Variants in SPAG16 observed in about 807,000 individuals in gnomAD.
SPAG16 encodes sperm associated antigen 16.
In SPAG16, 86 loss-of-function variants were observed where a neutral mutation model predicts 80.4. That is an observed-to-expected ratio of 1.07 (90% confidence interval 0.90 to 1.28). The LOEUF (loss-of-function observed/expected upper bound fraction) is 1.28. SPAG16 is among the 50% of genes most tolerant of loss of function. The pLI is 0.00. For missense variants in SPAG16, 870 were observed against 765.3 expected (o/e 1.14, Z -1.61); for synonymous variants, 294 against 265.9 (o/e 1.11, Z -1.03).
intron 4 of SPAG16, among the ~76,000 whole-genome samples, chr2:213,313,571 C>T (rs150262985): frequency 2.6e-5 from 4 of 151,808 alleles, no homozygotes; most frequent in Admixed American, 6.6e-5. Context: ...ACATACTGAT[C>T]TTAAAGACCA....
At chr2:214,286,446 T>A (rs1013544950) in intron 15 of SPAG16, among the ~76,000 whole-genome samples, 6 of 151,638 alleles carry the variant, frequency 4.0e-5, no homozygotes, top group African/African-American at 1.5e-4. Context: ...AAATAAATAG[T>A]GTATAAAAAA....
At chr2:213,361,546 G>C (rs533773999) in intron 7 of SPAG16, among the ~76,000 whole-genome samples, 14 of 151,236 alleles carry the variant, frequency 9.3e-5, no homozygotes, top group Admixed American at 5.3e-4. Flanking sequence ...AAGGAAACAG[G>C]GTTCTTTGGA....
At chr2:214,051,876 C>A (rs1020830360) in intron 13 of SPAG16, among the ~76,000 whole-genome samples, 5 of 152,166 alleles carry the variant, frequency 3.3e-5, no homozygotes, top group African/African-American at 7.2e-5. Context: ...GGGTTTTTAT[C>A]CTACATCATT....
chr2:214,354,211 A>G (rs1482481406), intron 15 of SPAG16, among the ~76,000 whole-genome samples: 1 of 152,094 alleles, frequency 6.6e-6, no homozygotes, highest in Non-Finnish European at 1.5e-5. Flanking sequence ...TCAGCTTTCT[A>G]CATATGGCTA....
At chr2:214,344,321 C>T (rs929018642) in intron 15 of SPAG16, among the ~76,000 whole-genome samples, 2 of 152,248 alleles carry the variant, frequency 1.3e-5, no homozygotes, top group South Asian at 4.1e-4. Context: ...CCTGGTACTA[C>T]GGAAGCTTCA....
intron 6 of SPAG16, among the ~76,000 whole-genome samples, chr2:213,347,898 A>G (rs1209552689): frequency 6.6e-6 from 1 of 152,158 alleles, no homozygotes; most frequent in Non-Finnish European, 1.5e-5. Context: ...GATGTCTATT[A>G]GGTCTGCTTG....
At chr2:213,453,410 A>G (rs2125584240) in intron 9 of SPAG16, among the ~76,000 whole-genome samples, 1 of 152,344 alleles carries the variant, frequency 6.6e-6, no homozygotes, top group South Asian at 2.1e-4. Flanking sequence ...CATGTGCATT[A>G]TAACAATAAA....
At chr2:213,369,713 A>G (rs991750596) in intron 8 of SPAG16, among the ~76,000 whole-genome samples, 4 of 152,260 alleles carry the variant, frequency 2.6e-5, no homozygotes, top group African/African-American at 7.2e-5. Flanking sequence ...TTCATTTTTT[A>G]AAAAGGATAA....
intron 3 of SPAG16, among the ~76,000 whole-genome samples, chr2:213,307,980 A>G (rs971085063): frequency 6.6e-6 from 1 of 152,154 alleles, no homozygotes; most frequent in Non-Finnish European, 1.5e-5. Flanking sequence ...AACCTGTTGT[A>G]TAACCATTAA....
chr2:213,856,305 G>T (rs1012579806), intron 10 of SPAG16, among the ~76,000 whole-genome samples: 1 of 152,306 alleles, frequency 6.6e-6, no homozygotes, highest in South Asian at 2.1e-4. Context: ...CACCCCTGTG[G>T]CTTTGCAGGA....
At chr2:213,585,747 A>G (rs2060450443) in intron 10 of SPAG16, among the ~76,000 whole-genome samples, 1 of 152,246 alleles carries the variant, frequency 6.6e-6, no homozygotes, top group Non-Finnish European at 1.5e-5. Context: ...GAGGTGAAAT[A>G]TAAGCACTGT....
chr2:213,970,215 T>C (rs2044953614), intron 12 of SPAG16, among the ~76,000 whole-genome samples: 1 of 152,144 alleles, frequency 6.6e-6, no homozygotes, highest in African/African-American at 2.4e-5. Flanking sequence ...AGCCTGTAAA[T>C]TTTGGGGGAA....
intron 13 of SPAG16, among the ~76,000 whole-genome samples, chr2:214,104,355 C>T (rs370022122): frequency 3.9e-5 from 6 of 152,134 alleles, no homozygotes; most frequent in East Asian, 3.9e-4. Context: ...TATGCAGGAG[C>T]GTGACATGGT....
intron 4 of SPAG16, among the ~76,000 whole-genome samples, chr2:213,316,771 G>C (rs746944220): frequency 6.6e-6 from 1 of 151,990 alleles, no homozygotes; most frequent in African/African-American, 2.4e-5. Context: ...TCTCTGTTCA[G>C]ATATCACTTT....
chr2:213,949,628 T>A (rs2079646437), intron 12 of SPAG16, among the ~76,000 whole-genome samples: 3 of 152,186 alleles, frequency 2.0e-5, no homozygotes, highest in Admixed American at 6.5e-5. Flanking sequence ...TCAAAGCAAA[T>A]AAGTTTTGAC....
intron 15 of SPAG16, among the ~76,000 whole-genome samples, chr2:214,327,389 A>T (rs982475597): frequency 4.6e-5 from 7 of 152,228 alleles, no homozygotes; most frequent in African/African-American, 1.4e-4. Context: ...TCTGTGCCTC[A>T]GTTTCCCAGG....
At chr2:213,634,006 T>G (rs542018651) in intron 10 of SPAG16, among the ~76,000 whole-genome samples, 1 of 152,282 alleles carries the variant, frequency 6.6e-6, no homozygotes, top group South Asian at 2.1e-4. Flanking sequence ...ATTGGTGAGT[T>G]TAGTGCATTT....
chr2:213,987,195 G>C (rs2046057102), intron 12 of SPAG16, among the ~76,000 whole-genome samples: 1 of 152,008 alleles, frequency 6.6e-6, no homozygotes, highest in Non-Finnish European at 1.5e-5. Flanking sequence ...ATTCAGTTTA[G>C]TCTAAACTTT....
At chr2:213,437,285 C>A (rs1575588218) in intron 9 of SPAG16, among the ~76,000 whole-genome samples, 1 of 152,154 alleles carries the variant, frequency 6.6e-6, no homozygotes, top group African/African-American at 2.4e-5. Flanking sequence ...CTCTTACTAA[C>A]TTTGGGACCC....
Sources: allele counts gnomAD v4.1 joint callset (sites outside exome capture counted in the v4.1 genomes callset), GRCh38; gene constraint gnomAD v4.1.1; transcripts MANE v1.5; gene names NCBI Gene and HGNC (gene_info 2026-07-23, HGNC 2026-07-21).